UGGT2: variants seen among roughly 807,000 people sequenced by gnomAD.
UGGT2 encodes UDP-glucose glycoprotein glucosyltransferase 2.
A neutral mutation model predicts 192.1 loss-of-function variants in UGGT2; 180 were observed. That is an observed-to-expected ratio of 0.94 (90% CI 0.83 to 1.06). The LOEUF is 1.06. Ranked by LOEUF, UGGT2 falls within the 50% of genes least tolerant of loss-of-function variation. The pLI is 0.00. For synonymous variants in UGGT2, 580 were observed against 591.0 expected, an observed-to-expected ratio of 0.98 and a Z score of 0.27; for missense variants, 1,849 against 1,795.7, an observed-to-expected ratio of 1.03 and a Z score of -0.54.
chr13:95,988,509 G>A (rs1418887371), intron 8 of UGGT2, among the ~76,000 whole-genome samples: 1 of 152,090 alleles, frequency 6.6e-6, no homozygotes, highest in East Asian at 1.9e-4. Flanking sequence ...CATTAAATAG[G>A]AAACTGTACA....
chr13:95,861,648 T>C (rs76911724), intron 31 of UGGT2, among the ~76,000 whole-genome samples: 3 of 152,178 alleles, frequency 2.0e-5, no homozygotes, highest in Non-Finnish European at 4.4e-5. Flanking sequence ...AACATTTATT[T>C]CAAAATACTT....
chr13:95,945,070 CTG>C (rs1013612730), intron 15 of UGGT2, among the ~76,000 whole-genome samples: 1 of 151,868 alleles, frequency 6.6e-6, no homozygotes, highest in Non-Finnish European at 1.5e-5. Context: ...GTATAACTTT[CTG>C]TCTTTTTATA....
Position 95,826,502 on chromosome 13 carries a change from A to G in UGGT2, c.4528+6425T>C, listed in dbSNP as rs534465357. The stretch of plus-strand genomic sequence containing the variant: ...ATAAGCTGAAACATTACTACAACCA[A>G]TATAAAAATTCAGTATGATCATGGG... On this transcript the variant is annotated intron_variant, in intron 38 of 38. Coordinates refer to ENST00000376747, the MANE Select transcript of UGGT2 (RefSeq NM_020121.4). Among the ~76,000 whole-genome samples the G allele has an allele frequency of 2.0e-5, 3 of 152,242 alleles. No homozygotes were observed. In the East Asian group the frequency reaches 5.8e-4, roughly 29 times the overall value.
At chr13:95,926,915 C>T in intron 19 of UGGT2, 113 bp downstream of exon 19, 1 of 951,858 alleles carries the variant, frequency 1.1e-6, no homozygotes, top group East Asian at 2.9e-5. Flanking sequence ...AAATTGAAAT[C>T]TAGGCCTCTA....
intron 5 of UGGT2, among the ~76,000 whole-genome samples, chr13:96,008,540 T>A (rs1011986782): frequency 1.3e-5 from 2 of 152,172 alleles, no homozygotes; most frequent in Non-Finnish European, 2.9e-5. Flanking sequence ...AGTTTCAGGA[T>A]ACAAAATCAA....
chr13:95,818,270 G>A (rs1885120818), intron 38 of UGGT2, among the ~76,000 whole-genome samples: 1 of 152,212 alleles, frequency 6.6e-6, no homozygotes, highest in South Asian at 2.1e-4. Flanking sequence ...CCATGACTAT[G>A]CACTACATGC....
intron 20 of UGGT2, among the ~76,000 whole-genome samples, chr13:95,916,563 G>A (rs564347089): frequency 2.0e-5 from 3 of 152,332 alleles, no homozygotes; most frequent in Admixed American, 6.5e-5. Flanking sequence ...TGGCTGAAGT[G>A]ATGGAAGTAG....
At chr13:95,996,213 A>C in intron 6 of UGGT2, 78 bp from the exon 7 acceptor site, 1 of 1,374,420 alleles carries the variant, frequency 7.3e-7, no homozygotes, top group Non-Finnish European at 1.0e-6. Flanking sequence ...AAAAATTAGA[A>C]GAACTTGGCC....
rs1594349065 is a variant in UGGT2 at position 95,927,276 on chromosome 13, G to T, written c.2038C>A (p.Pro680Thr). 1 of 1,612,120 alleles carries T rather than the reference G, an allele frequency of 6.2e-7. No individual in the cohort carries two copies. ...DFLMDRNNVV[P>T]RINTLILRTN... ...CGCAAAATCAAAGTATTTATACGGG[G>T]TACAACATTATTCCTATCCATTAGA... The change falls in exon 18 of 39, where the codon CCC becomes ACC. Residue 680 changes from proline to threonine, a missense_variant. Coordinates refer to ENST00000376747, the MANE Select transcript of UGGT2 (RefSeq NM_020121.4).
At chr13:95,941,071 G>A (rs1223752235) in intron 15 of UGGT2, among the ~76,000 whole-genome samples, 1 of 152,182 alleles carries the variant, frequency 6.6e-6, no homozygotes, top group African/African-American at 2.4e-5. Flanking sequence ...TTTGCACCAA[G>A]AGAGATGGCA....
At chr13:96,051,977 G>C (rs1005993435) in intron 1 of UGGT2, among the ~76,000 whole-genome samples, 1 of 152,132 alleles carries the variant, frequency 6.6e-6, no homozygotes. Context: ...CCCACTACTA[G>C]GTATCTACCC....
intron 12 of UGGT2, among the ~76,000 whole-genome samples, chr13:95,955,824 C>T (rs559414903): frequency 6.6e-6 from 1 of 152,266 alleles, no homozygotes; most frequent in South Asian, 2.1e-4. Flanking sequence ...TTCTTTTGAA[C>T]TTTAGGAAAT....
At chr13:95,992,994 C>T (rs1318489284) in intron 7 of UGGT2, among the ~76,000 whole-genome samples, 1 of 152,178 alleles carries the variant, frequency 6.6e-6, no homozygotes, top group Non-Finnish European at 1.5e-5. Flanking sequence ...CACTTATTCA[C>T]AATAGCAAAG....
At chr13:95,972,455 T>A in intron 11 of UGGT2, 125 bp downstream of exon 11, 1 of 902,236 alleles carries the variant, frequency 1.1e-6, no homozygotes, top group South Asian at 1.8e-5. Flanking sequence ...GAAAGCTGTT[T>A]TGTACAATCA....
Position 95,895,204 on chromosome 13 carries a change from T to C in UGGT2, c.2735A>G (p.Glu912Gly). ...CTTATTTGCGTTGATTCCCATATTT[T>C]CAACAATGCCTTTAATTTTCTCTCC... Reference protein sequence around the residue: ...NLGEKIKGIVENMGINANNMS... With the variant: ...NLGEKIKGIVGNMGINANNMS... Residue 912 changes from glutamate to glycine, a missense_variant, in exon 23 of 39, where the codon GAA becomes GGA. By Grantham distance (98) the Glu-to-Gly change is moderately conservative. Coordinates refer to ENST00000376747, the MANE Select transcript of UGGT2 (RefSeq NM_020121.4). 1 of 1,585,996 alleles carries C rather than the reference T, an allele frequency of 6.3e-7. No individual in the cohort carries two copies. Among genetic ancestry groups the C allele is most frequent in the South Asian group, 1.2e-5 (1 of 85,252 alleles).
At chr13:95,849,610 T>C (rs1398848795) in intron 36 of UGGT2, among the ~76,000 whole-genome samples, 1 of 151,682 alleles carries the variant, frequency 6.6e-6, no homozygotes. Flanking sequence ...CTTTCTTTTA[T>C]TATATTTATT....
chr13:96,038,706 T>C (rs1406513546), intron 1 of UGGT2, among the ~76,000 whole-genome samples: 1 of 150,580 alleles, frequency 6.6e-6, no homozygotes, highest in Non-Finnish European at 1.5e-5. Flanking sequence ...AAAGCTGCCC[T>C]TTTTTTGTTG....
At chr13:95,956,211 G>A (rs2050207261) in intron 12 of UGGT2, among the ~76,000 whole-genome samples, 1 of 152,148 alleles carries the variant, frequency 6.6e-6, no homozygotes, top group Admixed American at 6.6e-5. Flanking sequence ...AATAAGGACA[G>A]ACATACAGAT....
intron 5 of UGGT2, among the ~76,000 whole-genome samples, chr13:96,004,249 T>C (rs1158695079): frequency 1.3e-5 from 2 of 151,988 alleles, no homozygotes; most frequent in Non-Finnish European, 2.9e-5. Flanking sequence ...AAGTTGCACA[T>C]ATTTATGGGG....
Sources: gnomAD v4.1 joint callset for allele counts (sites outside exome capture counted in the v4.1 genomes callset) on GRCh38, gnomAD v4.1.1 for gene constraint, MANE v1.5 for transcripts, NCBI Gene and HGNC (gene_info 2026-07-23, HGNC 2026-07-21) for gene names.